Variants in AGBL4 observed in about 807,000 individuals in gnomAD.
AGBL4 encodes the protein cytosolic carboxypeptidase 6.
In AGBL4, 58 loss-of-function variants were observed where a neutral mutation model predicts 66.4. The ratio of observed to expected loss-of-function variants is 0.87; its 90% CI spans 0.71 to 1.09. The LOEUF (loss-of-function observed/expected upper bound fraction) is 1.09. Among genes scored for constraint, AGBL4 ranks in the 50% least tolerant of loss-of-function variants. The pLI, the probability that AGBL4 is intolerant of heterozygous loss-of-function variation, is 0.00. For synonymous variants in AGBL4, 234 were observed against 222.9 expected, an observed-to-expected ratio of 1.05 and a Z score of -0.44; for missense variants, 579 against 631.0, an observed-to-expected ratio of 0.92 and a Z score of 0.88.
Position 49,104,758 on chromosome 1 carries a change from C to T in AGBL4, c.378-58958G>A, listed in dbSNP as rs116764693. Among the ~76,000 whole-genome samples, 767 of 152,254 alleles carry T rather than the reference C, an allele frequency of 5.0e-3. 6 individuals are homozygous for T. Among genetic ancestry groups the T allele is most frequent in the Middle Eastern group, 0.017 (5 of 294 alleles). ...TATAATACATCACTCTAGGCATGAA[C>T]GGGCTCCAGGAGGCACTATAGGTCT... On this transcript the variant is annotated intron_variant, in intron 4 of 13. Transcript: ENST00000371839.
rs370403270 is a variant in AGBL4 at position 49,930,746 on chromosome 1, G to A, written c.35-79228C>T. On this transcript the variant is annotated intron_variant, in intron 1 of 13. Transcript: ENST00000371839. ...CTCAATAAGATTCTCAGCAAAATAG[G>A]AACAGAGGCCTCAGCATGATAAGAA... 3.3e-4 allele frequency among the ~76,000 whole-genome samples: 50 copies of A among 152,042 alleles called. 1 individual carries two copies. The South Asian group carries it at 9.6e-3, about 29-fold the overall frequency.
At chr1:49,333,057 A>G (rs2148493734) in intron 3 of AGBL4, among the ~76,000 whole-genome samples, 1 of 152,280 alleles carries the variant, frequency 6.6e-6, no homozygotes, top group East Asian at 1.9e-4. Context: ...GGCTGCATAA[A>G]TGTCTTCTTT....
chr1:48,542,804 T>C (rs1644095761), intron 11 of AGBL4, among the ~76,000 whole-genome samples: 3 of 152,210 alleles, frequency 2.0e-5, no homozygotes, highest in South Asian at 2.1e-4. Flanking sequence ...TTCACTCTGA[T>C]GGTAGTTTCT....
intron 8 of AGBL4, among the ~76,000 whole-genome samples, chr1:48,638,739 T>C (rs1284011593): frequency 1.3e-5 from 2 of 152,226 alleles, no homozygotes; most frequent in African/African-American, 4.8e-5. Flanking sequence ...AGAGCAAGGA[T>C]GCCATCTTAT....
intron 1 of AGBL4, among the ~76,000 whole-genome samples, chr1:50,009,590 C>G (rs1661377790): frequency 6.6e-6 from 1 of 151,664 alleles, no homozygotes; most frequent in Non-Finnish European, 1.5e-5. Context: ...AAGGCCTGTC[C>G]TCTGAAATCT....
chr1:49,413,975 A>G (rs761748931), intron 3 of AGBL4, among the ~76,000 whole-genome samples: 2 of 152,142 alleles, frequency 1.3e-5, no homozygotes, highest in African/African-American at 4.8e-5. Flanking sequence ...TCAAAATACA[A>G]ATAAAACAAA....
intron 4 of AGBL4, among the ~76,000 whole-genome samples, chr1:49,070,243 C>T (rs978498790): frequency 1.3e-5 from 2 of 151,926 alleles, no homozygotes; most frequent in African/African-American, 4.9e-5. Context: ...TGCCTGATTG[C>T]CCTGGCCAGA....
At chr1:48,930,001 A>G (rs1278069482) in intron 5 of AGBL4, among the ~76,000 whole-genome samples, 3 of 152,074 alleles carry the variant, frequency 2.0e-5, no homozygotes, top group African/African-American at 7.2e-5. Context: ...AAACTTAAAT[A>G]TATTGATCTA....
chr1:49,927,836 T>C (rs946175015), intron 1 of AGBL4, among the ~76,000 whole-genome samples: 1 of 152,184 alleles, frequency 6.6e-6, no homozygotes, highest in Non-Finnish European at 1.5e-5. Context: ...TTATGTAGCA[T>C]GCAATAGTCA....
intron 3 of AGBL4, among the ~76,000 whole-genome samples, chr1:49,692,197 A>ATTATTACTT (rs1427432968): frequency 6.6e-6 from 1 of 152,172 alleles, no homozygotes; most frequent in Non-Finnish European, 1.5e-5. Flanking sequence ...ATGAATTAGT[A>ATTATTACTT]TTATTACTTT....
chr1:49,096,290 A>C (rs1256449275), intron 4 of AGBL4, among the ~76,000 whole-genome samples: 2 of 152,182 alleles, frequency 1.3e-5, no homozygotes, highest in Non-Finnish European at 2.9e-5. Context: ...GCGATTCCTC[A>C]GGGATCTAGA....
chr1:49,001,510 T>C (rs1661391966), intron 5 of AGBL4, among the ~76,000 whole-genome samples: 1 of 152,196 alleles, frequency 6.6e-6, no homozygotes, highest in Admixed American at 6.5e-5. Flanking sequence ...ACTTTTGCAG[T>C]GACCTGTGCT....
At chr1:49,076,635 T>C (rs1022024595) in intron 4 of AGBL4, among the ~76,000 whole-genome samples, 3 of 152,176 alleles carry the variant, frequency 2.0e-5, no homozygotes, top group African/African-American at 7.2e-5. Context: ...GTAATCCCCA[T>C]AGCATGTGCT....
chr1:49,857,119 C>G (rs1646454997), intron 1 of AGBL4, among the ~76,000 whole-genome samples: 1 of 151,710 alleles, frequency 6.6e-6, no homozygotes, highest in Non-Finnish European at 1.5e-5. Flanking sequence ...AGAAGTCAAT[C>G]CCACTTACAA....
intron 1 of AGBL4, among the ~76,000 whole-genome samples, chr1:49,869,925 T>A (rs1459653117): frequency 6.6e-6 from 1 of 152,116 alleles, no homozygotes; most frequent in Non-Finnish European, 1.5e-5. Context: ...AACAATAATT[T>A]CTTGTATATT....
chr1:49,132,319 A>G (rs1053095335), intron 4 of AGBL4, among the ~76,000 whole-genome samples: 1 of 152,040 alleles, frequency 6.6e-6, no homozygotes, highest in Non-Finnish European at 1.5e-5. Context: ...TGAAAAATAG[A>G]AAATAAGAAA....
chr1:48,744,667 C>T (rs900438482), intron 6 of AGBL4, among the ~76,000 whole-genome samples: 2 of 152,208 alleles, frequency 1.3e-5, no homozygotes, highest in African/African-American at 4.8e-5. Context: ...TCTCTCCCAT[C>T]CATCTCTATA....
At chr1:48,556,816 T>C (rs997986676) in intron 11 of AGBL4, among the ~76,000 whole-genome samples, 4 of 152,172 alleles carry the variant, frequency 2.6e-5, no homozygotes, top group African/African-American at 9.7e-5. Flanking sequence ...TGAGATGGAG[T>C]GTCACTCTGT....
chr1:49,610,371 T>G (rs1006952639), intron 3 of AGBL4, among the ~76,000 whole-genome samples: 2 of 152,164 alleles, frequency 1.3e-5, no homozygotes, highest in African/African-American at 4.8e-5. Flanking sequence ...AAACGTAGAC[T>G]TTTCAGACTC....
Sources: gnomAD v4.1 joint callset for allele counts (sites outside exome capture counted in the v4.1 genomes callset) on GRCh38, gnomAD v4.1.1 for gene constraint, MANE v1.5 for transcripts, NCBI Gene and HGNC (gene_info 2026-07-23, HGNC 2026-07-21) for gene names.